NCEH1: variants seen among roughly 807,000 people sequenced by gnomAD.
NCEH1 encodes the protein 2-acetyl MAGE hydrolase.
In NCEH1, 9 loss-of-function variants were observed where a neutral mutation model predicts 25.4. That is an observed-to-expected ratio of 0.35 (90% confidence interval 0.21 to 0.62). The LOEUF is 0.62. Ranked by LOEUF, NCEH1 falls within the 20% of genes least tolerant of loss-of-function variation. The probability of loss-of-function intolerance (pLI) is 0.72; values close to 1 mark genes in which losing one functional copy is unlikely to be tolerated. For missense variants in NCEH1, 412 were observed against 501.1 expected (o/e 0.82, Z 1.70); for synonymous variants, 200 against 199.8 (o/e 1.00, Z -0.01).
At chr3:172,696,819 A>G (rs954711666) in intron 1 of NCEH1, among the ~76,000 whole-genome samples, 3 of 152,242 alleles carry the variant, frequency 2.0e-5, no homozygotes, top group Non-Finnish European at 2.9e-5. Flanking sequence ...TTCAAAATAC[A>G]TATTAGCAGA....
chr3:172,706,848 G>A (rs533189871), intron 1 of NCEH1, among the ~76,000 whole-genome samples: 5 of 152,166 alleles, frequency 3.3e-5, no homozygotes, highest in East Asian at 3.9e-4. Flanking sequence ...AAGATTGCTC[G>A]ATTTTACTTC....
At chr3:172,708,755 T>TAA (rs1714144447) in intron 1 of NCEH1, among the ~76,000 whole-genome samples, 1 of 152,162 alleles carries the variant, frequency 6.6e-6, no homozygotes, top group Admixed American at 6.5e-5. Flanking sequence ...TAAGCATTCT[T>TAA]ATAGATGTTC....
intron 1 of NCEH1, among the ~76,000 whole-genome samples, chr3:172,701,457 T>G (rs1239204206): frequency 7.2e-6 from 1 of 139,464 alleles, no homozygotes; most frequent in Non-Finnish European, 1.5e-5. Flanking sequence ...GCCTTTTTTT[T>G]TTTTTTTTTA....
intron 2 of NCEH1, among the ~76,000 whole-genome samples, chr3:172,646,131 C>A (rs951066526): frequency 6.6e-6 from 1 of 152,142 alleles, no homozygotes; most frequent in Non-Finnish European, 1.5e-5. Flanking sequence ...GGAAGGAGAT[C>A]ATTTGAGGTC....
intron 1 of NCEH1, among the ~76,000 whole-genome samples, chr3:172,667,932 G>A (rs947600658): frequency 6.6e-6 from 1 of 152,188 alleles, no homozygotes; most frequent in Non-Finnish European, 1.5e-5. Context: ...AAAAGTTAAA[G>A]AAGCAACTTC....
intron 1 of NCEH1, among the ~76,000 whole-genome samples, chr3:172,653,744 G>GTTTTTTTTTTTTTTTTTT (rs796835886): frequency 4.2e-5 from 4 of 95,654 alleles, no homozygotes; most frequent in African/African-American, 1.3e-4. Flanking sequence ...TGTTTTTTTT[G>GTTTTTTTTTTTTTTTTTT]TTTTTTTGTT....
At chr3:172,642,603 CAAAAAAAAA>C (rs66551744) in intron 3 of NCEH1, among the ~76,000 whole-genome samples, 4 of 83,912 alleles carry the variant, frequency 4.8e-5, no homozygotes, top group African/African-American at 1.5e-4. Flanking sequence ...GCTATTTCTA[CAAAAAAAAA>C]AAAAAAAAAA....
At chr3:172,670,307 T>C (rs1711537406) in intron 1 of NCEH1, among the ~76,000 whole-genome samples, 1 of 152,190 alleles carries the variant, frequency 6.6e-6, no homozygotes, top group Admixed American at 6.5e-5. Flanking sequence ...CCTCCTAAAC[T>C]TGTCAGTTTA....
chr3:172,632,045 G>T lies in NCEH1; in HGVS notation c.*1430C>A, dbSNP rs531579906. On this transcript the variant is annotated 3_prime_UTR_variant, in exon 5 of 5. Transcript: ENST00000475381. ...GACCTGGCTGGAAGGAGGAGATGGGGGATCTAGGCAACACCAGGTGCCAGT... is the reference window on the plus strand; with the variant it reads ...GACCTGGCTGGAAGGAGGAGATGGGTGATCTAGGCAACACCAGGTGCCAGT... The T allele has an allele frequency of 6.5e-6, 1 of 152,714 alleles. No homozygotes were observed. Among genetic ancestry groups the T allele is most frequent in the Non-Finnish European group, 1.5e-5 (1 of 68,022 alleles). The allele number at this position is 152,714 out of a possible 1,614,324, so 9.5% of individuals were successfully genotyped here.
At chr3:172,710,687 G>A (rs1278604916) in intron 1 of NCEH1, among the ~76,000 whole-genome samples, 160 bp downstream of exon 1, 1 of 152,214 alleles carries the variant, frequency 6.6e-6, no homozygotes, top group African/African-American at 2.4e-5. Flanking sequence ...AGGCGAATGC[G>A]ATACCCTGAA....
chr3:172,668,821 T>TA (rs987675681), intron 1 of NCEH1, among the ~76,000 whole-genome samples: 17 of 152,162 alleles, frequency 1.1e-4, no homozygotes, highest in African/African-American at 3.4e-4. Flanking sequence ...GACATATATA[T>TA]TTTCCCCCCA....
At chr3:172,648,223 A>C in intron 1 of NCEH1, 109 bp from the exon 2 acceptor site, 2 of 1,286,402 alleles carry the variant, frequency 1.6e-6, no homozygotes, top group African/African-American at 3.0e-5. Flanking sequence ...CTGCCACTGG[A>C]CTGGAGGGCT....
chr3:172,648,947 G>A (rs1198654906), intron 1 of NCEH1, among the ~76,000 whole-genome samples: 1 of 152,168 alleles, frequency 6.6e-6, no homozygotes, highest in Non-Finnish European at 1.5e-5. Context: ...CATCAGGAAG[G>A]GGAACAGCTG....
intron 1 of NCEH1, among the ~76,000 whole-genome samples, chr3:172,691,007 T>C (rs1438476120): frequency 2.0e-5 from 3 of 152,162 alleles, no homozygotes; most frequent in East Asian, 1.9e-4. Flanking sequence ...AACTTAAACA[T>C]TGTCTACTCC....
intron 1 of NCEH1, among the ~76,000 whole-genome samples, chr3:172,653,743 T>TTTG (rs59443210): frequency 0.29 from 31,543 of 110,392 alleles, 4,240 homozygotes; most frequent in East Asian, 0.59. Context: ...CTGTTTTTTT[T>TTTG]GTTTTTTTGT....
chr3:172,656,833 C>T (rs1477702834), intron 1 of NCEH1, among the ~76,000 whole-genome samples: 3 of 152,116 alleles, frequency 2.0e-5, no homozygotes, highest in African/African-American at 7.2e-5. Flanking sequence ...CTGGCTTCAG[C>T]CCCATATGTC....
intron 1 of NCEH1, among the ~76,000 whole-genome samples, chr3:172,653,767 T>TTTTTTTTTTTTTTTTTTGTTTG (rs1717558050): frequency 1.2e-5 from 1 of 84,796 alleles, no homozygotes; most frequent in Admixed American, 1.4e-4. Flanking sequence ...TTTGTTTTTT[T>TTTTTTTTTTTTTTTTTTGTTTG]TTTTTTTTGA....
chr3:172,678,254 G>C (rs11718411), intron 1 of NCEH1, among the ~76,000 whole-genome samples: 18,979 of 152,154 alleles, frequency 0.12, 1,339 homozygotes, highest in South Asian at 0.18. Context: ...CAGTACAAAA[G>C]CCCAAGCCTT....
chr3:172,675,201 G>A (rs1158280202), intron 1 of NCEH1, among the ~76,000 whole-genome samples: 1 of 152,046 alleles, frequency 6.6e-6, no homozygotes, highest in Non-Finnish European at 1.5e-5. Context: ...CTCAGGGGAG[G>A]CTGAGACAGA....
Sources: gnomAD v4.1 joint callset for allele counts (sites outside exome capture counted in the v4.1 genomes callset) on GRCh38, gnomAD v4.1.1 for gene constraint, MANE v1.5 for transcripts, NCBI Gene and HGNC (gene_info 2026-07-23, HGNC 2026-07-21) for gene names.